HECTD4: variants seen among roughly 807,000 people sequenced by gnomAD.
HECTD4 encodes the protein probable E3 ubiquitin-protein ligase HECTD4.
HECTD4 carries 114 observed loss-of-function variants against 471.5 expected under a neutral mutation model. The ratio of observed to expected loss-of-function variants is 0.24; its 90% CI spans 0.21 to 0.28. HECTD4 has a LOEUF of 0.28. Among genes scored for constraint, HECTD4 ranks in the 10% least tolerant of loss-of-function variants. The pLI is 1.00. For synonymous variants in HECTD4, 2,012 were observed against 2,256.0 expected (o/e 0.89, Z 3.07); for missense variants, 3,866 against 5,651.5 (o/e 0.68, Z 10.13).
Position 112,163,168 on chromosome 12 carries a change from T to G in HECTD4, c.12994A>C (p.Lys4332Gln). The change falls in exon 75 of 76, where the codon AAG (lysine) becomes CAG (glutamine). Residue 4332 changes from lysine (K) to glutamine (Q), a missense_variant. This residue lies in a region of HECTD4 where 715 missense variants were observed against 1,087.6 expected (regional missense o/e 0.66). Coordinates refer to ENST00000682272, the MANE Select transcript of HECTD4 (RefSeq NM_001388303.1). This position sits in a 1 kb window ranked among gnomAD's most constrained non-coding sequence, Gnocchi z 8.2. ...LEMFTQEELC[K>Q]FIKFACNQER... ...TGGTTGCAGGCAAACTTGATGAACTTGCACAGCTCCTCCTGGGTGAACATC... is the reference window on the plus strand; with the variant it reads ...TGGTTGCAGGCAAACTTGATGAACTGGCACAGCTCCTCCTGGGTGAACATC... 1 of 1,613,984 alleles carries G rather than the reference T, an allele frequency of 6.2e-7. No homozygotes were observed. Among genetic ancestry groups the G allele is most frequent in the Non-Finnish European group, 8.5e-7 (1 of 1,179,854 alleles).
At chr12:112,189,485 G>GA (rs869100496) in intron 60 of HECTD4, among the ~76,000 whole-genome samples, 2 of 1,364 alleles carry the variant, frequency 1.5e-3, no homozygotes, top group East Asian at 0.11. Context: ...CCGGGAGGCG[G>GA]ACTTGCAGTG....
In HECTD4 at chr12:112,170,469, G is replaced by T; in HGVS notation, c.11933-17C>A. The T allele has an allele frequency of 6.2e-7, 1 of 1,613,208 alleles. No individual in the cohort carries two copies. The highest frequency in any genetic ancestry group is 1.1e-5 in the South Asian group (1 of 90,954). On this transcript the variant is annotated splice_polypyrimidine_tract_variant and intron_variant, in intron 68 of 75. Coordinates refer to ENST00000682272, the MANE Select transcript of HECTD4 (RefSeq NM_001388303.1). ...AGATCAGCCCTAAGGAGAGGAACGT[G>T]GGAGAGGCTTGGGTGGGGCTTTGTC...
chr12:112,355,267 G>A (rs1390232732), intron 1 of HECTD4, among the ~76,000 whole-genome samples: 1 of 137,424 alleles, frequency 7.3e-6, no homozygotes, highest in African/African-American at 2.7e-5. Context: ...GAGCCACCGC[G>A]CCGGGCGCCA....
intron 44 of HECTD4, among the ~76,000 whole-genome samples, chr12:112,223,947 C>T (rs1192742413): frequency 6.6e-6 from 1 of 152,024 alleles, no homozygotes; most frequent in Non-Finnish European, 1.5e-5. Flanking sequence ...AGTATCAATA[C>T]ATTATTGCTT....
intron 3 of HECTD4, 29 bp downstream of exon 3, chr12:112,314,428 G>A: frequency 8.7e-7 from 1 of 1,153,074 alleles, no homozygotes; most frequent in Non-Finnish European, 1.2e-6. Context: ...AGTTTGGAAG[G>A]AGGGTAAGGA....
At chr12:112,293,877 A>C (rs2034950387) in intron 7 of HECTD4, among the ~76,000 whole-genome samples, 1 of 152,130 alleles carries the variant, frequency 6.6e-6, no homozygotes, top group Non-Finnish European at 1.5e-5. Flanking sequence ...TTGAAGAGAA[A>C]GTTATCAATA....
intron 1 of HECTD4, among the ~76,000 whole-genome samples, chr12:112,361,752 AT>A (rs2135749132): frequency 6.6e-6 from 1 of 152,256 alleles, no homozygotes; most frequent in Non-Finnish European, 1.5e-5. Flanking sequence ...GTCCCAGGTT[AT>A]TTGTCACTGA....
Position 112,273,718 on chromosome 12 carries a change from T to C in HECTD4, c.1879A>G (p.Asn627Asp). 1.2e-6 allele frequency: 2 copies of C among 1,613,958 alleles called. No homozygotes were observed. The highest frequency in any genetic ancestry group is 1.7e-6 in the Non-Finnish European group (2 of 1,179,814). ...TGGCAGACATAATGGAAGGCTTGATTCCCAGGGTTACACCACTGATCGATA... is the reference window on the plus strand; with the variant it reads ...TGGCAGACATAATGGAAGGCTTGATCCCCAGGGTTACACCACTGATCGATA... ...DYIDQWCNPG[N>D]QAFHYVCQRL... Residue 627 changes from asparagine to aspartate, a missense_variant, in exon 11 of 76, where the codon AAT (asparagine) becomes GAT (aspartate). Transcript: ENST00000682272.
At position 112,165,349 on chromosome 12, in the gene HECTD4, ATTT is replaced by A. The variant is rs35375585; in HGVS notation, c.12535-1077_12535-1075del. Among the ~76,000 whole-genome samples, 676 of 128,452 alleles carry A rather than the reference ATTT, an allele frequency of 5.3e-3. 4 individuals are homozygous for A. Among genetic ancestry groups the A allele is most frequent in the African/African-American group, 0.017 (576 of 33,998 alleles). 84.3% of individuals were successfully genotyped at this position (128,452 alleles called of 152,430 possible). On this transcript the variant is annotated intron_variant, in intron 72 of 75. Coordinates refer to ENST00000682272, the MANE Select transcript of HECTD4 (RefSeq NM_001388303.1). ...ATGCTTTTTGTTTTAAGAGCAACTA[ATTT>A]TTTTTTTTTTTTTTTTTGAGATGAA... is the stretch of plus-strand genomic sequence containing the variant.
At chr12:112,340,362 T>C (rs2135725445) in intron 1 of HECTD4, among the ~76,000 whole-genome samples, 1 of 152,294 alleles carries the variant, frequency 6.6e-6, no homozygotes, top group African/African-American at 2.4e-5. Context: ...ATGCACAAGC[T>C]ACACTTGGGA....
Position 112,256,464 on chromosome 12 carries a change from G to T in HECTD4, c.3183C>A (p.Ala1061=). 6.2e-7 allele frequency: 1 copy of T among 1,608,730 alleles called. No individual in the cohort carries two copies. Among genetic ancestry groups the T allele is most frequent in the Non-Finnish European group, 8.5e-7 (1 of 1,177,810 alleles). ...PGFLTGLKIP[A]PWAAGKTVET... is the part of the protein sequence containing the mutation. Reference sequence around the variant, plus strand: ...CCACAGTCTTTCCAGCAGCCCATGGGGCAGGAATCTTTAAACCAGTGAGAA... The same window carrying T: ...CCACAGTCTTTCCAGCAGCCCATGGTGCAGGAATCTTTAAACCAGTGAGAA... Residue 1061 remains alanine (A), a synonymous_variant, in exon 21 of 76, where the codon GCC becomes GCA. Coordinates refer to ENST00000682272, the MANE Select transcript of HECTD4 (RefSeq NM_001388303.1).
chr12:112,302,561 T>TA, intron 7 of HECTD4: 1 of 698,422 alleles, frequency 1.4e-6, no homozygotes. Flanking sequence ...CCAAAATTCT[T>TA]ACGCCTTTTC....
chr12:112,290,795 C>T (rs1184647818), intron 7 of HECTD4, among the ~76,000 whole-genome samples: 1 of 145,422 alleles, frequency 6.9e-6, no homozygotes, highest in Non-Finnish European at 1.5e-5. Context: ...TTGCGGTGAG[C>T]TGAGATCACA....
intron 38 of HECTD4, among the ~76,000 whole-genome samples, chr12:112,232,605 T>A (rs982699797): frequency 2.0e-5 from 3 of 152,322 alleles, no homozygotes; most frequent in African/African-American, 7.2e-5. Context: ...TTCCTTTAAT[T>A]ATTTGTGAGC....
At chr12:112,293,963 A>G (rs2034952122) in intron 7 of HECTD4, among the ~76,000 whole-genome samples, 1 of 152,180 alleles carries the variant, frequency 6.6e-6, no homozygotes, top group African/African-American at 2.4e-5. Context: ...GCAGTGGCAC[A>G]ATCATAGCTC....
rs528357568 is a variant in HECTD4, at chr12:112,363,057, T to A, written c.177+18895A>T. 1.8e-3 allele frequency among the ~76,000 whole-genome samples: 278 copies of A among 152,258 alleles called. 1 individual carries two copies. Among genetic ancestry groups the A allele is most frequent in the Non-Finnish European group, 1.7e-3 (114 of 68,008 alleles). On this transcript the variant is annotated intron_variant, in intron 1 of 75. Coordinates refer to ENST00000682272, the MANE Select transcript of HECTD4 (RefSeq NM_001388303.1). ...TTCAAAAATTCCTCTAACATTTTAA[T>A]TTTTTTAAATTTTAAGCATTTTGTA...
chr12:112,360,546 G>A (rs2036430790), intron 1 of HECTD4, among the ~76,000 whole-genome samples: 1 of 152,118 alleles, frequency 6.6e-6, no homozygotes, highest in Non-Finnish European at 1.5e-5. Context: ...GAAATATAGA[G>A]AAAGGAAAGT....
At chr12:112,250,646 C>T (rs1310921964) in intron 24 of HECTD4, among the ~76,000 whole-genome samples, 1 of 152,204 alleles carries the variant, frequency 6.6e-6, no homozygotes, top group Non-Finnish European at 1.5e-5. Context: ...CACAGACACA[C>T]TTGTCTAGAT....
intron 10 of HECTD4, 37 bp downstream of exon 10, chr12:112,274,810 G>A (rs549328046): frequency 7.5e-7 from 1 of 1,335,766 alleles, no homozygotes; most frequent in African/African-American, 1.5e-5. Context: ...GCTAAAACTT[G>A]AAATTTTCCA....
Sources: gnomAD v4.1 joint callset for allele counts (sites outside exome capture counted in the v4.1 genomes callset) on GRCh38, gnomAD v4.1.1 for gene constraint, gnomAD v4.1.1 regional missense constraint, Gnocchi (gnomAD v3.1) non-coding constraint, MANE v1.5 for transcripts, NCBI Gene and HGNC (gene_info 2026-07-23, HGNC 2026-07-21) for gene names.